The following STYXL2 variants were observed in gnomAD, a reference collection of about 807,000 sequenced individuals.
STYXL2 encodes serine/threonine/tyrosine interacting like 2.
In STYXL2, 44 loss-of-function variants were observed where a neutral mutation model predicts 52.4. The observed-to-expected ratio is 0.84, with a 90% CI of 0.66 to 1.08. The LOEUF (loss-of-function observed/expected upper bound fraction) is 1.08. Ranked by LOEUF, STYXL2 falls within the 50% of genes least tolerant of loss-of-function variation. STYXL2 has a pLI of 0.00. For synonymous variants in STYXL2, 604 were observed against 586.9 expected, an observed-to-expected ratio of 1.03 and a Z score of -0.42; for missense variants, 1,604 against 1,471.7, an observed-to-expected ratio of 1.09 and a Z score of -1.47.
intron 2 of STYXL2, among the ~76,000 whole-genome samples, chr1:167,102,305 AT>A (rs1667420809): frequency 7.2e-6 from 1 of 138,258 alleles, no homozygotes; most frequent in Admixed American, 7.2e-5. Context: ...TTTTTTAAAA[AT>A]ATATATATAT....
intron 2 of STYXL2, 87 bp downstream of exon 2, chr1:167,095,046 G>T: frequency 2.2e-6 from 2 of 918,466 alleles, no homozygotes; most frequent in Non-Finnish European, 3.4e-6. Context: ...GGAGCCTGCA[G>T]CCATCACCTC....
Position 167,127,779 on chromosome 1 carries a change from G to A in STYXL2, c.2648G>A (p.Gly883Asp). The A allele has an allele frequency of 6.2e-7, 1 of 1,613,954 alleles. No individual in the cohort carries two copies. The highest frequency in any genetic ancestry group is 8.5e-7 in the Non-Finnish European group (1 of 1,180,014). The change falls in exon 6 of 6, where the codon GGT (glycine) becomes GAT (aspartate). Residue 883 changes from glycine to aspartate, a missense_variant. Coordinates refer to ENST00000361200, the MANE Select transcript of STYXL2 (RefSeq NM_001080426.3). ...KVKEDEDDGV[G>D]DGDEDTDSAI... Reference sequence around the variant, plus strand: ...AAGGAAGATGAGGATGATGGTGTGGGTGATGGGGATGAGGACACTGACAGT... The same window carrying A: ...AAGGAAGATGAGGATGATGGTGTGGATGATGGGGATGAGGACACTGACAGT...
chr1:167,126,320 C>A lies in STYXL2; in HGVS notation c.1189C>A (p.Gln397Lys). Reference protein sequence around the residue: ...EDVERIIQEWQSRNERYQAEG... With the variant: ...EDVERIIQEWKSRNERYQAEG... The stretch of plus-strand genomic sequence containing the variant: ...CGTGGAGAGGATCATCCAGGAGTGG[C>A]AGAGCCGAAACGAGAGGTACCAAGC... The change falls in exon 6 of 6, where the codon CAG becomes AAG. Residue 397 changes from glutamine to lysine, a missense_variant. Gln to Lys is a moderately conservative substitution (Grantham distance 53). Coordinates refer to ENST00000361200, the MANE Select transcript of STYXL2 (RefSeq NM_001080426.3). The A allele has an allele frequency of 6.6e-7, 1 of 1,520,516 alleles. No homozygotes were observed. The highest frequency in any genetic ancestry group is 8.8e-7 in the Non-Finnish European group (1 of 1,131,538). 94.2% of individuals were successfully genotyped at this position (1,520,516 alleles called of 1,614,324 possible).
At chr1:167,095,855 T>C (rs1223207478) in intron 2 of STYXL2, among the ~76,000 whole-genome samples, 1 of 152,158 alleles carries the variant, frequency 6.6e-6, no homozygotes, top group Non-Finnish European at 1.5e-5. Flanking sequence ...GATTTCACTT[T>C]TCTCTGATGC....
intron 2 of STYXL2, among the ~76,000 whole-genome samples, chr1:167,098,234 T>C (rs1667334198): frequency 6.6e-6 from 1 of 152,002 alleles, no homozygotes; most frequent in Non-Finnish European, 1.5e-5. Context: ...ATTGTCTCGA[T>C]CTCTTGACCT....
At chr1:167,098,394 T>C (rs1667336834) in intron 2 of STYXL2, among the ~76,000 whole-genome samples, 1 of 151,926 alleles carries the variant, frequency 6.6e-6, no homozygotes, top group Admixed American at 6.6e-5. Context: ...CAGGATTGCT[T>C]GAGCCCAGGA....
chr1:167,126,025 C>T lies in STYXL2; in HGVS notation c.894C>T (p.Gly298=), dbSNP rs749696044. Residue 298 remains glycine, a synonymous_variant, in exon 6 of 6, where the codon GGC becomes GGT. Coordinates refer to ENST00000361200, the MANE Select transcript of STYXL2 (RefSeq NM_001080426.3). ...REGGSAEAEE[G]EGTGSMLGAR... is the part of the protein sequence containing the mutation. Reference sequence around the variant, plus strand: ...GGGGATCAGCTGAGGCTGAGGAGGGCGAGGGCACTGGGAGCATGCTCGGGG... The same window carrying T: ...GGGGATCAGCTGAGGCTGAGGAGGGTGAGGGCACTGGGAGCATGCTCGGGG... 5.6e-6 allele frequency: 9 copies of T among 1,598,332 alleles called. No individual in the cohort carries two copies. The highest frequency in any genetic ancestry group is 4.5e-5 in the East Asian group (2 of 44,680).
chr1:167,100,959 C>G (rs1372342539), intron 2 of STYXL2, among the ~76,000 whole-genome samples: 1 of 152,202 alleles, frequency 6.6e-6, no homozygotes, highest in Non-Finnish European at 1.5e-5. Flanking sequence ...CAATCGATCC[C>G]ACTTTACTTC....
intron 1 of STYXL2, chr1:167,094,529 G>T (rs917750302): frequency 1.9e-5 from 6 of 317,076 alleles, no homozygotes; most frequent in Non-Finnish European, 3.0e-5. Context: ...TCAACTTTTT[G>T]AGCTGAGATC....
chr1:167,123,540 G>A (rs12031945), intron 5 of STYXL2, among the ~76,000 whole-genome samples: 1 of 152,090 alleles, frequency 6.6e-6, no homozygotes, highest in South Asian at 2.1e-4. Flanking sequence ...GTCCTTGTAA[G>A]GGACAGCTAA....
intron 2 of STYXL2, among the ~76,000 whole-genome samples, chr1:167,112,777 A>C (rs1558021642): frequency 6.6e-6 from 1 of 152,248 alleles, no homozygotes; most frequent in Non-Finnish European, 1.5e-5. Flanking sequence ...AATAAAAATA[A>C]TACCTAATTT....
In STYXL2 at chr1:167,128,648, G is replaced by T; in HGVS notation, c.*40G>T. ...GAGAACACTGAAAGAAACCACTCAC[G>T]TTAGCATAGGGCTCAGGGCACACGT... is the stretch of plus-strand genomic sequence containing the variant. On this transcript the variant is annotated 3_prime_UTR_variant, in exon 6 of 6. Transcript: ENST00000361200. 2 of 1,573,382 alleles carry T rather than the reference G, an allele frequency of 1.3e-6. No homozygotes were observed. The highest frequency in any genetic ancestry group is 1.7e-6 in the Non-Finnish European group (2 of 1,165,998).
At position 167,125,798 on chromosome 1, in the gene STYXL2, G is replaced by A; in HGVS notation, c.667G>A (p.Val223Ile). The change falls in exon 6 of 6, where the codon GTC becomes ATC. Residue 223 changes from valine (V) to isoleucine (I), a missense_variant. By Grantham distance (29) the Val-to-Ile change is conservative. Transcript: ENST00000361200. The part of the protein sequence containing the change: ...ALLTYRGKVL[V>I]SSEMGISRSA... ...TGTTTTCATTTCAGGGAAAGTCCTG[G>A]TCAGCAGCGAAATGGGCATCAGCCG... 6.3e-7 allele frequency: 1 copy of A among 1,599,580 alleles called. No homozygotes were observed. Among genetic ancestry groups the A allele is most frequent in the Non-Finnish European group, 8.5e-7 (1 of 1,172,542 alleles).
At chr1:167,111,886 T>A (rs1462329416) in intron 2 of STYXL2, among the ~76,000 whole-genome samples, 3 of 152,022 alleles carry the variant, frequency 2.0e-5, no homozygotes, top group Non-Finnish European at 4.4e-5. Flanking sequence ...AAAAACCTAC[T>A]GAAATATAAA....
chr1:167,095,332 T>G (rs1667261962), intron 2 of STYXL2, among the ~76,000 whole-genome samples: 1 of 150,992 alleles, frequency 6.6e-6, no homozygotes. Flanking sequence ...GGGCTGGATA[T>G]GGGGATGACA....
intron 2 of STYXL2, among the ~76,000 whole-genome samples, chr1:167,113,502 C>T (rs545673172): frequency 1.6e-4 from 24 of 152,336 alleles, no homozygotes; most frequent in Non-Finnish European, 2.9e-4. Flanking sequence ...ACCATCAGTG[C>T]CAACTGTGAT....
chr1:167,126,415 G>A lies in STYXL2; in HGVS notation c.1284G>A (p.Gly428=). 1 of 1,560,248 alleles carries A rather than the reference G, an allele frequency of 6.4e-7. No individual in the cohort carries two copies. The highest frequency in any genetic ancestry group is 8.7e-7 in the Non-Finnish European group (1 of 1,152,578). The change falls in exon 6 of 6, where the codon GGG becomes GGA. Residue 428 remains glycine, a synonymous_variant. Transcript: ENST00000361200. ...EEESDAGSSV[G]RRRRTLSESS... is the part of the protein sequence containing the mutation. ...AGAGCGACGCTGGCTCCTCGGTGGG[G>A]AGGCGGCGGCGCACCCTGAGCGAGA...
rs61748781 is a variant in STYXL2, at chr1:167,127,833, G to T, written c.2702G>T (p.Arg901Leu). Residue 901 changes from arginine (R) to leucine (L), a missense_variant, in exon 6 of 6, where the codon CGC becomes CTC. Arg to Leu is a moderately radical substitution (Grantham distance 102). Transcript: ENST00000361200. ...ATAGGGAGCTTCCGATATTCTTCCC[G>T]CAGTAATTCCCAGAAACCTGAAACA... ...SAIGSFRYSS[R>L]SNSQKPETDT... is the part of the protein sequence containing the mutation. 2 of 1,613,610 alleles carry T rather than the reference G, an allele frequency of 1.2e-6. No homozygotes were observed. Among genetic ancestry groups the T allele is most frequent in the African/African-American group, 1.3e-5 (1 of 74,886 alleles).
chr1:167,117,483 G>A lies in STYXL2; in HGVS notation c.361G>A (p.Ala121Thr), dbSNP rs751943869. The A allele has an allele frequency of 1.1e-5, 17 of 1,612,230 alleles. No homozygotes were observed. Among genetic ancestry groups the A allele is most frequent in the Middle Eastern group, 1.6e-4 (1 of 6,084 alleles). The change falls in exon 4 of 6, where the codon GCC becomes ACC. Residue 121 changes from alanine (A) to threonine (T), a missense_variant. Ala to Thr is a moderately conservative substitution (Grantham distance 58, BLOSUM62 0). Coordinates refer to ENST00000361200, the MANE Select transcript of STYXL2 (RefSeq NM_001080426.3). ...GCCCTGTGTCCTGGACCTACAGCGG[G>A]CCCTGGTTCAGGATCGCCAAGAGGC... ...NTPCVLDLQR[A>T]LVQDRQEAPW...
Sources: allele counts gnomAD v4.1 joint callset (sites outside exome capture counted in the v4.1 genomes callset), GRCh38; gene constraint gnomAD v4.1.1; transcripts MANE v1.5; gene names NCBI Gene and HGNC (gene_info 2026-07-23, HGNC 2026-07-21).